The following ADAMTS17 variants were observed in gnomAD, a reference collection of about 807,000 sequenced individuals.
ADAMTS17 encodes the protein ADAM metallopeptidase with thrombospondin type 1 motif 17.
ADAMTS17 carries 113 observed loss-of-function variants against 141.5 expected under a neutral mutation model. The ratio of observed to expected loss-of-function variants is 0.80; its 90% CI spans 0.69 to 0.93. The LOEUF is 0.93. Ranked by LOEUF, ADAMTS17 falls within the 40% of genes least tolerant of loss-of-function variation. ADAMTS17 has a pLI of 0.00. For synonymous variants in ADAMTS17, 768 were observed against 630.6 expected (o/e 1.22, Z -3.27); for missense variants, 1,659 against 1,517.9 (o/e 1.09, Z -1.54).
At chr15:99,985,831 A>C (rs927270184) in intron 20 of ADAMTS17, among the ~76,000 whole-genome samples, 1 of 152,216 alleles carries the variant, frequency 6.6e-6, no homozygotes, top group African/African-American at 2.4e-5. Flanking sequence ...AAGCAACGGC[A>C]AATGTCACGG....
chr15:100,174,232 C>T (rs189987120), intron 8 of ADAMTS17, among the ~76,000 whole-genome samples: 1 of 150,340 alleles, frequency 6.7e-6, no homozygotes, highest in African/African-American at 2.5e-5. Flanking sequence ...ACTGTTATTT[C>T]TGCTCAGATT....
At chr15:100,000,373 T>A (rs1002632679) in intron 18 of ADAMTS17, among the ~76,000 whole-genome samples, 4 of 152,220 alleles carry the variant, frequency 2.6e-5, no homozygotes, top group Non-Finnish European at 5.9e-5. Flanking sequence ...GTGTGGCAGA[T>A]GTTCAATCCC....
At chr15:100,326,703 C>CTT (rs1205942265) in intron 3 of ADAMTS17, among the ~76,000 whole-genome samples, 1 of 152,200 alleles carries the variant, frequency 6.6e-6, no homozygotes, top group African/African-American at 2.4e-5. Context: ...TGGGGAGAGA[C>CTT]CTAAGCCTGC....
In ADAMTS17 at chr15:100,303,190, C is replaced by A. The variant is rs897921416; in HGVS notation, c.617-21789G>T. Among the ~76,000 whole-genome samples, 44 of 144,570 alleles carry A rather than the reference C, an allele frequency of 3.0e-4. No individual in the cohort carries two copies. The Admixed American group carries it at 3.1e-3, about 10-fold the overall frequency. 94.8% of individuals were successfully genotyped at this position (144,570 alleles called of 152,430 possible). ...ATAAAAATTTATATATATAAACTTA[C>A]CTTTATAAAATATATAATATATATG... On this transcript the variant is annotated intron_variant, in intron 3 of 21. Coordinates refer to ENST00000268070, the MANE Select transcript of ADAMTS17 (RefSeq NM_139057.4).
intron 15 of ADAMTS17, among the ~76,000 whole-genome samples, chr15:100,089,545 T>C (rs1441312919): frequency 6.6e-6 from 1 of 151,388 alleles, no homozygotes; most frequent in East Asian, 1.9e-4. Flanking sequence ...ATGTTTATTG[T>C]GGCACTATTC....
chr15:99,991,743 T>C (rs1238980942), intron 20 of ADAMTS17, among the ~76,000 whole-genome samples: 8 of 152,158 alleles, frequency 5.3e-5, no homozygotes, highest in African/African-American at 9.7e-5. Context: ...TGCGGCACTG[T>C]TGACAATAGC....
At chr15:100,148,932 C>T (rs527502981) in intron 10 of ADAMTS17, among the ~76,000 whole-genome samples, 2 of 152,056 alleles carry the variant, frequency 1.3e-5, no homozygotes, top group African/African-American at 4.8e-5. Context: ...GCAACTGTGT[C>T]CCTGGTGGGG....
intron 7 of ADAMTS17, among the ~76,000 whole-genome samples, chr15:100,203,865 T>C (rs1228611769): frequency 6.6e-6 from 1 of 151,586 alleles, no homozygotes; most frequent in Non-Finnish European, 1.5e-5. Context: ...ATCACTGCAC[T>C]GCAGCCTGGG....
chr15:100,105,132 T>C (rs978103326), intron 14 of ADAMTS17, among the ~76,000 whole-genome samples: 2 of 152,216 alleles, frequency 1.3e-5, no homozygotes, highest in African/African-American at 4.8e-5. Context: ...GTAGGTGCTG[T>C]TGCCACCCAC....
intron 2 of ADAMTS17, 38 bp from the exon 3 acceptor site, chr15:100,331,092 CCTCA>C (rs2046039375): frequency 6.2e-7 from 1 of 1,612,946 alleles, no homozygotes; most frequent in Non-Finnish European, 8.5e-7. Flanking sequence ...TGTCGGTCAT[CCTCA>C]CTCACACACG....
At chr15:100,233,310 A>G (rs1352294005) in intron 7 of ADAMTS17, among the ~76,000 whole-genome samples, 1 of 150,280 alleles carries the variant, frequency 6.7e-6, no homozygotes, top group East Asian at 2.0e-4. Context: ...AGCCTGGGCA[A>G]CAAGAGTGAA....
At chr15:100,262,026 A>T (rs749682333) in intron 5 of ADAMTS17, among the ~76,000 whole-genome samples, 4 of 152,158 alleles carry the variant, frequency 2.6e-5, no homozygotes, top group Non-Finnish European at 5.9e-5. Context: ...CTGGGGTCGA[A>T]GCTCTAATGT....
At chr15:100,243,833 C>G (rs1451034790) in intron 7 of ADAMTS17, among the ~76,000 whole-genome samples, 1 of 73,564 alleles carries the variant, frequency 1.4e-5, no homozygotes, top group Non-Finnish European at 2.8e-5. Flanking sequence ...TGAAATGAAA[C>G]AAAACAAAAT....
chr15:100,171,627 G>C (rs1232021963), intron 8 of ADAMTS17, among the ~76,000 whole-genome samples: 1 of 152,186 alleles, frequency 6.6e-6, no homozygotes, highest in East Asian at 1.9e-4. Flanking sequence ...CTCGCCAGCA[G>C]ACAGCATCCC....
chr15:100,167,552 G>A (rs577394800), intron 8 of ADAMTS17, among the ~76,000 whole-genome samples: 1 of 152,300 alleles, frequency 6.6e-6, no homozygotes, highest in African/African-American at 2.4e-5. Flanking sequence ...CCACCGGGCT[G>A]CACTGTGTGC....
At chr15:100,222,230 G>T (rs1274047328) in intron 7 of ADAMTS17, among the ~76,000 whole-genome samples, 1 of 152,148 alleles carries the variant, frequency 6.6e-6, no homozygotes, top group Non-Finnish European at 1.5e-5. Context: ...GAAGCAGAGT[G>T]CCAGGTAAGC....
intron 6 of ADAMTS17, among the ~76,000 whole-genome samples, chr15:100,259,626 T>C (rs186371273): frequency 6.6e-6 from 1 of 152,384 alleles, no homozygotes; most frequent in Admixed American, 6.5e-5. Flanking sequence ...GTCTCTTCAA[T>C]AACTGATTGT....
At chr15:100,132,430 G>T (rs1163265626) in intron 11 of ADAMTS17, among the ~76,000 whole-genome samples, 2 of 152,154 alleles carry the variant, frequency 1.3e-5, no homozygotes, top group African/African-American at 2.4e-5. Context: ...ATGAATCTAC[G>T]TAGCTCTTGA....
chr15:100,303,926 G>A (rs1051612583), intron 3 of ADAMTS17, among the ~76,000 whole-genome samples: 6 of 152,124 alleles, frequency 3.9e-5, no homozygotes, highest in Non-Finnish European at 7.3e-5. Flanking sequence ...GTTTCGCCAC[G>A]TTGGGCAGGC....
Sources: allele counts gnomAD v4.1 joint callset (sites outside exome capture counted in the v4.1 genomes callset), GRCh38; gene constraint gnomAD v4.1.1; transcripts MANE v1.5; gene names NCBI Gene and HGNC (gene_info 2026-07-23, HGNC 2026-07-21).